The following KCNJ6 variants were observed in gnomAD, a reference collection of about 807,000 sequenced individuals.
KCNJ6 encodes the protein G protein-activated inward rectifier potassium channel 2.
A neutral mutation model predicts 34.2 loss-of-function variants in KCNJ6; 9 were observed. The ratio of observed to expected loss-of-function variants is 0.26; its 90% CI spans 0.16 to 0.46. The LOEUF (loss-of-function observed/expected upper bound fraction) is 0.46. Ranked by LOEUF, KCNJ6 falls within the 20% of genes least tolerant of loss-of-function variation. The probability of loss-of-function intolerance (pLI) is 1.00; values close to 1 mark genes in which losing one functional copy is unlikely to be tolerated. For synonymous variants in KCNJ6, 196 were observed against 207.1 expected (o/e 0.95, Z 0.46); for missense variants, 236 against 531.3 (o/e 0.44, Z 5.46).
intron 2 of KCNJ6, among the ~76,000 whole-genome samples, chr21:37,724,897 T>C (rs912328441): frequency 5.3e-5 from 8 of 152,076 alleles, no homozygotes; most frequent in African/African-American, 7.2e-5. Context: ...AGATCAAGGA[T>C]TTAAAGGCAA....
chr21:37,761,716 TTTGTGTGTG>T, intron 2 of KCNJ6, among the ~76,000 whole-genome samples: 1 of 151,770 alleles, frequency 6.6e-6, no homozygotes, highest in Admixed American at 6.6e-5. Flanking sequence ...CATGTGTATA[TTTGTGTGTG>T]TGGTGTGTGT....
intron 2 of KCNJ6, among the ~76,000 whole-genome samples, chr21:37,751,353 C>A (rs2054994337): frequency 1.3e-5 from 2 of 152,266 alleles, no homozygotes; most frequent in African/African-American, 4.8e-5. Context: ...GTGTTACCTG[C>A]TGACCTGCTA....
intron 3 of KCNJ6, among the ~76,000 whole-genome samples, chr21:37,638,926 A>G (rs2054369472): frequency 6.6e-6 from 1 of 152,234 alleles, no homozygotes; most frequent in African/African-American, 2.4e-5. Flanking sequence ...CACTTTCGGA[A>G]CGGTCACATC....
chr21:37,840,811 G>A (rs1008866423), intron 1 of KCNJ6, 102 bp from the exon 2 acceptor site: 12 of 632,564 alleles, frequency 1.9e-5, no homozygotes, highest in Admixed American at 5.5e-5. Flanking sequence ...CTTTTTCCTA[G>A]GTCAGAATTT....
intron 2 of KCNJ6, among the ~76,000 whole-genome samples, chr21:37,741,446 C>T (rs985164621): frequency 1.3e-5 from 2 of 152,238 alleles, no homozygotes; most frequent in Non-Finnish European, 2.9e-5. Context: ...GGGCTGTGTT[C>T]CTCTTCCTAC....
intron 1 of KCNJ6, among the ~76,000 whole-genome samples, chr21:37,869,641 G>C (rs560935842): frequency 6.6e-6 from 1 of 152,326 alleles, no homozygotes; most frequent in East Asian, 1.9e-4. Context: ...GAAGTAGACA[G>C]GTTCTAGCTA....
intron 1 of KCNJ6, among the ~76,000 whole-genome samples, chr21:37,848,137 C>A (rs2055519345): frequency 6.6e-6 from 1 of 152,254 alleles, no homozygotes; most frequent in South Asian, 2.1e-4. Context: ...TTGTGGCAAA[C>A]CAGTGGGAGG....
intron 1 of KCNJ6, among the ~76,000 whole-genome samples, chr21:37,870,028 C>T (rs1405120124): frequency 6.6e-6 from 1 of 152,152 alleles, no homozygotes; most frequent in Non-Finnish European, 1.5e-5. Context: ...TGGCACAGGT[C>T]CCTGGGAGGA....
intron 3 of KCNJ6, among the ~76,000 whole-genome samples, chr21:37,704,975 A>G (rs1450730333): frequency 6.6e-6 from 1 of 152,080 alleles, no homozygotes; most frequent in Non-Finnish European, 1.5e-5. Flanking sequence ...CAGTCACCTG[A>G]TAACACTGAA....
At chr21:37,662,550 A>AC (rs1435664844) in intron 3 of KCNJ6, among the ~76,000 whole-genome samples, 4 of 152,228 alleles carry the variant, frequency 2.6e-5, no homozygotes, top group Admixed American at 6.5e-5. Context: ...TTGTTATGTG[A>AC]ATAGTGCTGC....
intron 2 of KCNJ6, among the ~76,000 whole-genome samples, chr21:37,718,700 A>G (rs1294844058): frequency 1.5e-4 from 23 of 152,182 alleles, no homozygotes; most frequent in Admixed American, 1.5e-3. Flanking sequence ...TAGTATTAGG[A>G]GAAATACCTA....
chr21:37,828,359 T>G (rs9978399), intron 2 of KCNJ6, among the ~76,000 whole-genome samples: 1 of 152,096 alleles, frequency 6.6e-6, no homozygotes, highest in Non-Finnish European at 1.5e-5. Flanking sequence ...CACCTTCATC[T>G]GAGTTTAATT....
chr21:37,720,169 T>G (rs999661952), intron 2 of KCNJ6, among the ~76,000 whole-genome samples: 1 of 152,132 alleles, frequency 6.6e-6, no homozygotes, highest in African/African-American at 2.4e-5. Flanking sequence ...CTAGAATACA[T>G]TTATATTACT....
chr21:37,887,724 G>C (rs1183499663), intron 1 of KCNJ6, among the ~76,000 whole-genome samples: 1 of 152,152 alleles, frequency 6.6e-6, no homozygotes, highest in Non-Finnish European at 1.5e-5. Flanking sequence ...AAAGTTCTGG[G>C]GAAAAAGGTG....
intron 2 of KCNJ6, among the ~76,000 whole-genome samples, chr21:37,774,723 C>T (rs1453589087): frequency 2.0e-5 from 3 of 152,162 alleles, no homozygotes; most frequent in Non-Finnish European, 2.9e-5. Flanking sequence ...TGTATATGTG[C>T]CACATTTTCT....
Position 37,771,059 on chromosome 21 carries a change from G to A in KCNJ6, c.26-55928C>T, listed in dbSNP as rs1282222273. 3.3e-5 allele frequency among the ~76,000 whole-genome samples: 5 copies of A among 152,284 alleles called. No individual in the cohort carries two copies. The East Asian group carries it at 7.7e-4, about 24-fold the overall frequency. On this transcript the variant is annotated intron_variant, in intron 2 of 3. Coordinates refer to ENST00000609713, the MANE Select transcript of KCNJ6 (RefSeq NM_002240.5). ...CACAGGATATTTGGTCACATAAGGAGGAATTATGACATGGCTATTGTCTTT... is the reference window on the plus strand; with the variant it reads ...CACAGGATATTTGGTCACATAAGGAAGAATTATGACATGGCTATTGTCTTT...
intron 1 of KCNJ6, among the ~76,000 whole-genome samples, chr21:37,872,927 C>A (rs780076300): frequency 6.6e-6 from 1 of 152,138 alleles, no homozygotes; most frequent in African/African-American, 2.4e-5. Context: ...TCTCTCTTGC[C>A]GAACTGTGAA....
At chr21:37,680,984 G>A (rs552874387) in intron 3 of KCNJ6, among the ~76,000 whole-genome samples, 8 of 152,246 alleles carry the variant, frequency 5.3e-5, no homozygotes, top group Admixed American at 2.6e-4. Context: ...CTAGCTGCTC[G>A]CCAGGACAGT....
intron 2 of KCNJ6, among the ~76,000 whole-genome samples, chr21:37,769,110 G>C (rs1299351519): frequency 3.3e-5 from 5 of 152,164 alleles, no homozygotes; most frequent in Non-Finnish European, 7.3e-5. Flanking sequence ...CTGCGCACGG[G>C]GTGATGTGGA....
Sources: allele counts gnomAD v4.1 joint callset (sites outside exome capture counted in the v4.1 genomes callset), GRCh38; gene constraint gnomAD v4.1.1; transcripts MANE v1.5; gene names NCBI Gene and HGNC (gene_info 2026-07-23, HGNC 2026-07-21).